ZNF484: variants seen among roughly 807,000 people sequenced by gnomAD.
ZNF484 encodes zinc finger protein 484.
In ZNF484, 11 loss-of-function variants were observed where a neutral mutation model predicts 12.9. The observed-to-expected ratio is 0.85, with a 90% CI of 0.54 to 1.41. The LOEUF (loss-of-function observed/expected upper bound fraction) is 1.41, where lower values mean the gene tolerates loss of function less well. Among genes scored for constraint, ZNF484 ranks in the 40% most tolerant of loss-of-function variants. The pLI is 0.00. For missense variants in ZNF484, 807 were observed against 1,007.7 expected (o/e 0.80, Z 2.70); for synonymous variants, 289 against 334.1 (o/e 0.86, Z 1.47).
chr9:92,853,981 T>C (rs911667487), intron 4 of ZNF484, among the ~76,000 whole-genome samples: 5 of 150,486 alleles, frequency 3.3e-5, no homozygotes, highest in Non-Finnish European at 7.4e-5. Context: ...AGGAAAGGAC[T>C]GTCTTGGGAG....
In ZNF484 at chr9:92,848,038, A is replaced by G. The variant is rs1031055633; in HGVS notation, c.749T>C (p.Leu250Pro). 5.6e-6 allele frequency: 9 copies of G among 1,614,070 alleles called. No individual in the cohort carries two copies. The African/African-American group carries it at 1.2e-4, about 22-fold the overall frequency. The part of the protein sequence containing the change: ...QQQKIHTRES[L>P]YLFSDYVNVF... The stretch of plus-strand genomic sequence containing the variant: ...ATTTACGTAGTCAGAAAACAAATAG[A>G]GGCTCTCTCTAGTATGAATTTTCTG... Residue 250 changes from leucine to proline, a missense_variant, in exon 5 of 5, where the codon CTC (leucine) becomes CCC (proline). Transcript: ENST00000375495. The surrounding 1 kb of genome is among the most constrained non-coding windows in gnomAD (Gnocchi z 4.1).
At chr9:92,860,328 C>T (rs970993884) in intron 2 of ZNF484, among the ~76,000 whole-genome samples, 7 of 152,096 alleles carry the variant, frequency 4.6e-5, no homozygotes, top group East Asian at 1.9e-4. Context: ...TGAGGCCAGG[C>T]GCGGTGGCTC....
chr9:92,865,285 A>G (rs890252192), intron 2 of ZNF484, among the ~76,000 whole-genome samples: 5 of 152,130 alleles, frequency 3.3e-5, no homozygotes. Flanking sequence ...ATAAAAAATC[A>G]AAACAAAAAC....
chr9:92,850,893 G>T (rs1186985634), intron 4 of ZNF484, among the ~76,000 whole-genome samples: 1 of 152,118 alleles, frequency 6.6e-6, no homozygotes, highest in South Asian at 2.1e-4. Flanking sequence ...CACCGTGTCT[G>T]GCCTATGGTT....
chr9:92,855,018 A>G (rs1856351302), intron 4 of ZNF484, among the ~76,000 whole-genome samples: 1 of 152,190 alleles, frequency 6.6e-6, no homozygotes, highest in Admixed American at 6.5e-5. Flanking sequence ...AATATATTAG[A>G]ACAGTTGCCT....
At chr9:92,865,730 G>C (rs1390101707) in intron 2 of ZNF484, among the ~76,000 whole-genome samples, 2 of 152,036 alleles carry the variant, frequency 1.3e-5, no homozygotes, top group Non-Finnish European at 2.9e-5. Context: ...AACATAGCAA[G>C]ACGCCGTCTC....
rs187773480 is a variant in ZNF484, at chr9:92,852,872, A to G, written c.235+2939T>C. 3.9e-4 allele frequency among the ~76,000 whole-genome samples: 60 copies of G among 152,332 alleles called. No individual in the cohort carries two copies. The East Asian group carries it at 0.011, about 28-fold the overall frequency. On this transcript the variant is annotated intron_variant, in intron 4 of 4. Coordinates refer to ENST00000375495, the MANE Select transcript of ZNF484 (RefSeq NM_031486.4). ...TATTATTTGAATACGCAGATAGATA[A>G]CATAATAATCAAAGGGCTCGATGAA... is the stretch of plus-strand genomic sequence containing the variant.
Position 92,846,598 on chromosome 9 carries a change from A to T in ZNF484, c.2189T>A (p.Ile730Asn). The T allele has an allele frequency of 6.2e-7, 1 of 1,613,698 alleles. No homozygotes were observed. The highest frequency in any genetic ancestry group is 8.5e-7 in the Non-Finnish European group (1 of 1,179,902). Residue 730 changes from isoleucine to asparagine, a missense_variant, in exon 5 of 5, where the codon ATC (isoleucine) becomes AAC (asparagine). Physicochemically the swap from Ile to Asn is moderately radical, Grantham distance 149 (BLOSUM62 -3). Transcript: ENST00000375495. ...YICNECGKSF[I>N]QKSHLNRHRR... Reference sequence around the variant, plus strand: ...GTGTCTATTTAAGTGTGACTTCTGGATGAAGGATTTCCCACATTCATTACA... The same window carrying T: ...GTGTCTATTTAAGTGTGACTTCTGGTTGAAGGATTTCCCACATTCATTACA...
chr9:92,862,901 C>CA (rs1462715309), intron 2 of ZNF484, among the ~76,000 whole-genome samples: 1 of 152,142 alleles, frequency 6.6e-6, no homozygotes, highest in East Asian at 1.9e-4. Context: ...TTTGACCCAG[C>CA]AATCCCATTA....
Position 92,847,677 on chromosome 9 carries a change from G to T in ZNF484, c.1110C>A (p.Asn370Lys), listed in dbSNP as rs375022929. 3.1e-6 allele frequency: 5 copies of T among 1,613,128 alleles called. No homozygotes were observed. Among genetic ancestry groups the T allele is most frequent in the African/African-American group, 2.7e-5 (2 of 74,790 alleles). The change falls in exon 5 of 5, where the codon AAC becomes AAA. Residue 370 changes from asparagine (N) to lysine (K), a missense_variant. By Grantham distance (94) the Asn-to-Lys change is moderately conservative. Transcript: ENST00000375495. ...TATGAATTTTTTTATGTATATTAAG[G>T]TTTGAATTCTGAGGGAGGTTTTTCT... ...ECEKNLPQNS[N>K]LNIHKKIHTG...
In ZNF484 at chr9:92,877,953, A is replaced by G; in HGVS notation, c.-94T>C. On this transcript the variant is annotated 5_prime_UTR_variant, in exon 1 of 5. Coordinates refer to ENST00000375495, the MANE Select transcript of ZNF484 (RefSeq NM_031486.4). ...TGCCTCGGGAGGTGACTATAGTCGC[A>G]AGAACCAGAACAGGACCCACTTCCT... The G allele has an allele frequency of 2.2e-6, 3 of 1,367,568 alleles. No individual in the cohort carries two copies. The highest frequency in any genetic ancestry group is 3.0e-6 in the Non-Finnish European group (3 of 997,796). The allele number at this position is 1,367,568 out of a possible 1,614,324, so 84.7% of individuals were successfully genotyped here. A position where few individuals can be genotyped will look rare whatever the true frequency, so the allele number is the denominator to read the frequency against.
At position 92,847,488 on chromosome 9, in the gene ZNF484, A is replaced by C. The variant is rs937839309; in HGVS notation, c.1299T>G (p.Ile433Met). The C allele has an allele frequency of 6.2e-7, 1 of 1,612,758 alleles. No individual in the cohort carries two copies. Among genetic ancestry groups the C allele is most frequent in the South Asian group, 1.1e-5 (1 of 90,726 alleles). Residue 433 changes from isoleucine (I) to methionine (M), a missense_variant, in exon 5 of 5, where the codon ATT (isoleucine) becomes ATG (methionine). Coordinates refer to ENST00000375495, the MANE Select transcript of ZNF484 (RefSeq NM_031486.4). ...ATTCATAGGGTTTTTCTCCAGTATG[A>C]ATTCTTTCATGTGTGATAAAATGTG... ...RKSHFITHER[I>M]HTGEKPYECS... is the part of the protein sequence containing the mutation.
Position 92,848,163 on chromosome 9 carries a change from A to C in ZNF484, c.624T>G (p.Gly208=), listed in dbSNP as rs1855811963. Residue 208 remains glycine, a synonymous_variant, in exon 5 of 5, where the codon GGT becomes GGG. Transcript: ENST00000375495. The surrounding 1 kb of genome is among the most constrained non-coding windows in gnomAD (Gnocchi z 4.1). ...GAGAATTCAAATGAGTGAAAATATC[A>C]CCATCTCCAATAGTCTTATCAGAAT... ...TENSDKTIGD[G]DIFTHLNSHT... 1.2e-6 allele frequency: 2 copies of C among 1,613,996 alleles called. No homozygotes were observed. Among genetic ancestry groups the C allele is most frequent in the Non-Finnish European group, 1.7e-6 (2 of 1,180,034 alleles).
intron 2 of ZNF484, among the ~76,000 whole-genome samples, chr9:92,861,428 T>C (rs902830653): frequency 6.6e-6 from 1 of 152,168 alleles, no homozygotes; most frequent in African/African-American, 2.4e-5. Context: ...AGTGGAAATA[T>C]ATAAATTCTC....
intron 2 of ZNF484, among the ~76,000 whole-genome samples, chr9:92,869,884 T>C (rs199730735): frequency 6.6e-6 from 1 of 152,312 alleles, no homozygotes; most frequent in East Asian, 1.9e-4. Context: ...TAAGTAAATA[T>C]AGGTAAAACT....
chr9:92,851,374 T>C (rs750816498), intron 4 of ZNF484, among the ~76,000 whole-genome samples: 1 of 152,246 alleles, frequency 6.6e-6, no homozygotes, highest in Non-Finnish European at 1.5e-5. Context: ...TCACGACATA[T>C]GAAAATTATA....
intron 2 of ZNF484, 82 bp downstream of exon 2, chr9:92,874,933 A>G (rs1332854705): frequency 1.9e-5 from 25 of 1,313,520 alleles, no homozygotes; most frequent in Non-Finnish European, 2.5e-5. Flanking sequence ...TCATCTTACT[A>G]TAGGGATTGT....
chr9:92,846,832 A>G lies in ZNF484; in HGVS notation c.1955T>C (p.Phe652Ser), dbSNP rs776674496. Reference sequence around the variant, plus strand: ...TCCAGTGTGAATTTTCTGGTGTGTAAAGAGATTTGATCTGTCAGTAAAAGC... The same window carrying G: ...TCCAGTGTGAATTTTCTGGTGTGTAGAGAGATTTGATCTGTCAGTAAAAGC... ...GKAFTDRSNL[F>S]THQKIHTGEK... The change falls in exon 5 of 5, where the codon TTT becomes TCT. Residue 652 changes from phenylalanine to serine, a missense_variant. Transcript: ENST00000375495. The G allele has an allele frequency of 1.2e-5, 20 of 1,613,718 alleles. No individual in the cohort carries two copies. Among genetic ancestry groups the G allele is most frequent in the Non-Finnish European group, 1.7e-5 (20 of 1,179,930 alleles).
In ZNF484 at chr9:92,857,288, G is replaced by T. The variant is rs78715039; in HGVS notation, c.16-970C>A. ...TGACTTATTCAGTCACTCTGACAGTGGGAGCATTTACCAATTCTGGCTGTG... is the reference window on the plus strand; with the variant it reads ...TGACTTATTCAGTCACTCTGACAGTTGGAGCATTTACCAATTCTGGCTGTG... On this transcript the variant is annotated intron_variant, in intron 2 of 4. Transcript: ENST00000375495. 3.3e-3 allele frequency among the ~76,000 whole-genome samples: 500 copies of T among 152,278 alleles called. 1 individual carries two copies. The highest frequency in any genetic ancestry group is 0.011 in the African/African-American group (468 of 41,560).
Sources: gnomAD v4.1 joint callset for allele counts (sites outside exome capture counted in the v4.1 genomes callset) on GRCh38, gnomAD v4.1.1 for gene constraint, Gnocchi (gnomAD v3.1) non-coding constraint, MANE v1.5 for transcripts, NCBI Gene and HGNC (gene_info 2026-07-23, HGNC 2026-07-21) for gene names.